Variants in CAST observed in about 807,000 individuals in gnomAD.
CAST encodes MIR583 host.
In CAST, 76 loss-of-function variants were observed where a neutral mutation model predicts 119.6. That is an observed-to-expected ratio of 0.64 (90% CI 0.53 to 0.77). The LOEUF (loss-of-function observed/expected upper bound fraction) is 0.77. Ranked by LOEUF, CAST falls within the 30% of genes least tolerant of loss-of-function variation. The pLI is 0.00. For missense variants in CAST, 953 were observed against 946.5 expected, an observed-to-expected ratio of 1.01 and a Z score of -0.09; for synonymous variants, 319 against 331.6, an observed-to-expected ratio of 0.96 and a Z score of 0.41.
At chr5:96,588,231 C>G (rs1466366140) in intron 1 of CAST, among the ~76,000 whole-genome samples, 1 of 92,694 alleles carries the variant, frequency 1.1e-5, no homozygotes, top group Non-Finnish European at 1.9e-5. Flanking sequence ...GAGATGGAGT[C>G]TCACTCTGTT....
chr5:96,392,442 A>C, the CAST span: 2 of 154,448 alleles, frequency 1.3e-5, no homozygotes, highest in African/African-American at 4.8e-5. Flanking sequence ...GCTTTTGACC[A>C]ACATGACCAG....
the CAST span, among the ~76,000 whole-genome samples, chr5:96,488,218 G>A: frequency 6.6e-6 from 1 of 152,174 alleles, no homozygotes. Flanking sequence ...ACACAGGTTT[G>A]AAGTAAGCAT....
chr5:96,414,190 G>C, the CAST span, among the ~76,000 whole-genome samples: 1 of 151,598 alleles, frequency 6.6e-6, no homozygotes, highest in Non-Finnish European at 1.5e-5. Flanking sequence ...TGGAATCTTG[G>C]GCAAGCCAGT....
chr5:96,111,320 T>C, the CAST span, among the ~76,000 whole-genome samples: 8 of 152,328 alleles, frequency 5.3e-5, no homozygotes, highest in South Asian at 8.3e-4. Flanking sequence ...TTTGGATGCA[T>C]CACCTTCCTG....
At chr5:96,574,027 T>TAATTGGA (rs1561420492) in intron 1 of CAST, among the ~76,000 whole-genome samples, 2 of 5,658 alleles carry the variant, frequency 3.5e-4, no homozygotes, top group Non-Finnish European at 2.5e-4. Context: ...GCCCACTTTC[T>TAATTGGA]TTTTTTTTTT....
chr5:96,331,712 C>G, the CAST span, among the ~76,000 whole-genome samples: 1 of 152,220 alleles, frequency 6.6e-6, no homozygotes, highest in Non-Finnish European at 1.5e-5. Flanking sequence ...TTGTTGACAA[C>G]ATTACATATT....
At chr5:96,021,614 T>G in the CAST span, among the ~76,000 whole-genome samples, 1 of 152,048 alleles carries the variant, frequency 6.6e-6, no homozygotes, top group South Asian at 2.1e-4. Flanking sequence ...CCCAGCTAAT[T>G]TTTTTGTATT....
chr5:96,098,342 T>C, the CAST span, among the ~76,000 whole-genome samples: 1 of 152,194 alleles, frequency 6.6e-6, no homozygotes, highest in South Asian at 2.1e-4. Flanking sequence ...CCCATTTGTC[T>C]ATTTTTGTTT....
chr5:96,109,632 G>A, the CAST span, among the ~76,000 whole-genome samples: 2 of 152,184 alleles, frequency 1.3e-5, no homozygotes, highest in African/African-American at 4.8e-5. Context: ...TCCCATCTGT[G>A]AAGAGTCAAG....
the CAST span, among the ~76,000 whole-genome samples, chr5:96,091,917 A>G: frequency 2.6e-5 from 4 of 152,334 alleles, no homozygotes; most frequent in South Asian, 8.3e-4. Flanking sequence ...AGTCAGGGTT[A>G]GTACCAAATC....
chr5:96,643,237 T>C (rs946986216), intron 1 of CAST, among the ~76,000 whole-genome samples: 48 of 152,386 alleles, frequency 3.1e-4, no homozygotes, highest in Non-Finnish European at 3.1e-4. Context: ...AGTGCATTTT[T>C]CTAAGTTACT....
intron 1 of CAST, among the ~76,000 whole-genome samples, chr5:96,601,857 AGCAC>A (rs1747160397): frequency 6.6e-6 from 1 of 152,230 alleles, no homozygotes; most frequent in Non-Finnish European, 1.5e-5. Flanking sequence ...GCATTTGATA[AGCAC>A]CGTAATGCTA....
the CAST span, among the ~76,000 whole-genome samples, chr5:96,224,041 G>T: frequency 6.6e-6 from 1 of 152,104 alleles, no homozygotes; most frequent in Non-Finnish European, 1.5e-5. Flanking sequence ...AAAGAAAGGA[G>T]CCTGAATCTC....
intron 1 of CAST, among the ~76,000 whole-genome samples, chr5:96,631,627 C>A (rs1287583083): frequency 9.4e-6 from 1 of 106,340 alleles, no homozygotes; most frequent in Non-Finnish European, 2.2e-5. Context: ...GTCTCCCAGG[C>A]TGGAGTGCAG....
chr5:96,109,694 G>C, the CAST span, among the ~76,000 whole-genome samples: 1 of 152,306 alleles, frequency 6.6e-6, no homozygotes, highest in African/African-American at 2.4e-5. Flanking sequence ...CTGCACACCT[G>C]TGTGGCAAAG....
chr5:96,422,287 G>A, the CAST span, among the ~76,000 whole-genome samples: 5 of 152,064 alleles, frequency 3.3e-5, no homozygotes, highest in African/African-American at 1.2e-4. Flanking sequence ...GAAAATTGAG[G>A]CCCAGAGAAG....
the CAST span, among the ~76,000 whole-genome samples, chr5:96,403,464 G>T: frequency 2.6e-5 from 4 of 152,130 alleles, no homozygotes; most frequent in South Asian, 6.2e-4. Flanking sequence ...CAGAGTTATT[G>T]TTCATTCGTG....
the CAST span, among the ~76,000 whole-genome samples, chr5:95,962,890 C>G: frequency 6.6e-6 from 1 of 152,038 alleles, no homozygotes; most frequent in Non-Finnish European, 1.5e-5. Flanking sequence ...CGAGGTTAAG[C>G]GAAGGAGATG....
the CAST span, among the ~76,000 whole-genome samples, chr5:96,339,134 G>A: frequency 6.6e-6 from 1 of 152,138 alleles, no homozygotes; most frequent in Admixed American, 6.6e-5. Flanking sequence ...TTTGATTGTT[G>A]CCAGTTACCA....
Sources: allele counts gnomAD v4.1 joint callset (sites outside exome capture counted in the v4.1 genomes callset), GRCh38; gene constraint gnomAD v4.1.1; transcripts MANE v1.5; gene names NCBI Gene and HGNC (gene_info 2026-07-23, HGNC 2026-07-21).